Variants in MPPED1 observed in about 807,000 individuals in gnomAD.
MPPED1 encodes metallophosphoesterase domain containing 1.
Under a neutral mutation model 36.2 loss-of-function variants are expected in MPPED1, and 16 were observed. The observed-to-expected ratio is 0.44, with a 90% CI of 0.30 to 0.67. MPPED1 has a LOEUF of 0.67. MPPED1 is among the 30% of genes least tolerant of loss of function. MPPED1 has a pLI of 0.10. For missense variants in MPPED1, 307 were observed against 453.4 expected (o/e 0.68, Z 2.93); for synonymous variants, 199 against 191.3 (o/e 1.04, Z -0.33).
At chr22:43,497,086 AG>A (rs1932438786) in intron 4 of MPPED1, among the ~76,000 whole-genome samples, 1 of 87,018 alleles carries the variant, frequency 1.1e-5, no homozygotes, top group Admixed American at 1.0e-4. Context: ...TGGTGGAGGT[AG>A]TGGTGGCGGA....
intron 3 of MPPED1, among the ~76,000 whole-genome samples, chr22:43,459,453 G>T (rs1048527135): frequency 6.6e-6 from 1 of 151,960 alleles, no homozygotes; most frequent in Non-Finnish European, 1.5e-5. Context: ...CTCCTCTTAC[G>T]CACACATGAG....
chr22:43,503,468 T>C (rs1932766812), intron 6 of MPPED1, among the ~76,000 whole-genome samples: 1 of 152,132 alleles, frequency 6.6e-6, no homozygotes, highest in Non-Finnish European at 1.5e-5. Flanking sequence ...CCCAGAGACA[T>C]CTCCTGGCCT....
At position 43,433,754 on chromosome 22, in the gene MPPED1, T is replaced by C. The variant is rs1024241609; in HGVS notation, c.225-1280T>C. Among the ~76,000 whole-genome samples the C allele has an allele frequency of 1.5e-4, 10 of 66,798 alleles. No homozygotes were observed. In the East Asian group the frequency reaches 1.8e-3, roughly 12 times the overall value. 43.8% of individuals were successfully genotyped at this position (66,798 alleles called of 152,430 possible). A position where few individuals can be genotyped will look rare whatever the true frequency, so the allele number is the denominator to read the frequency against. ...GTTAATTAAATTTCTTCGAAGTATATTGTCTGAAAAAAAAAAAAGGATAAT... is the reference window on the plus strand; with the variant it reads ...GTTAATTAAATTTCTTCGAAGTATACTGTCTGAAAAAAAAAAAAGGATAAT... On this transcript the variant is annotated intron_variant, in intron 2 of 6. Coordinates refer to ENST00000443721, the MANE Select transcript of MPPED1 (RefSeq NM_001044370.2).
rs975007536 is a variant in MPPED1 at position 43,424,994 on chromosome 22, C to A, written c.9C>A (p.Arg3=). 3 of 1,597,110 alleles carry A rather than the reference C, an allele frequency of 1.9e-6. No homozygotes were observed. The highest frequency in any genetic ancestry group is 2.2e-5 in the South Asian group (2 of 88,908). MW[R]SRWDASVLKA... ...GCGGCCGGCGGAGGTCCATGTGGCG[C>A]TCTAGGTGGGATGCCAGCGTCCTGA... is the stretch of plus-strand genomic sequence containing the variant. The change falls in exon 2 of 7, where the codon CGC becomes CGA. Residue 3 remains arginine, a synonymous_variant. Coordinates refer to ENST00000443721, the MANE Select transcript of MPPED1 (RefSeq NM_001044370.2).
Position 43,505,803 on chromosome 22 carries a change from C to G in MPPED1, c.*187C>G, listed in dbSNP as rs937969574. 2 of 576,536 alleles carry G rather than the reference C, an allele frequency of 3.5e-6. No individual in the cohort carries two copies. Among genetic ancestry groups the G allele is most frequent in the Admixed American group, 3.1e-5 (1 of 31,942 alleles). The allele number at this position is 576,536 out of a possible 1,614,324, so 35.7% of individuals were successfully genotyped here. A position where few individuals can be genotyped will look rare whatever the true frequency, so the allele number is the denominator to read the frequency against. On this transcript the variant is annotated 3_prime_UTR_variant, in exon 7 of 7. Coordinates refer to ENST00000443721, the MANE Select transcript of MPPED1 (RefSeq NM_001044370.2). ...CCTGGAGTTGGGACCCTGCGCATCC[C>G]CATCAGGGGTTCTGTGCTCATTTAC...
chr22:43,462,147 CT>C (rs954480416), intron 3 of MPPED1, among the ~76,000 whole-genome samples: 1 of 152,176 alleles, frequency 6.6e-6, no homozygotes. Flanking sequence ...GCCCAGTTTG[CT>C]TTTGTTGTAG....
intron 2 of MPPED1, among the ~76,000 whole-genome samples, chr22:43,430,038 G>A (rs141427770): frequency 6.6e-6 from 1 of 152,172 alleles, no homozygotes; most frequent in Non-Finnish European, 1.5e-5. Flanking sequence ...TGCTGATCCA[G>A]CCAGTCATTG....
rs1468847923 is a variant in MPPED1, at chr22:43,475,502, GATCATC to G, written c.632+544_632+549del. 9.5e-3 allele frequency among the ~76,000 whole-genome samples: 1,355 copies of G among 142,082 alleles called. 3 individuals carry two copies. The highest frequency in any genetic ancestry group is 0.019 in the Middle Eastern group (5 of 266). 93.2% of individuals were successfully genotyped at this position (142,082 alleles called of 152,430 possible). ...TGGTGATGGTGATGATGGTGGTGAT[GATCATC>G]ATGATGATGGTTGTGGTGGTGGTGG... On this transcript the variant is annotated intron_variant, in intron 4 of 6. Transcript: ENST00000443721.
chr22:43,431,083 C>A (rs1246041791), intron 2 of MPPED1, among the ~76,000 whole-genome samples: 3 of 118,708 alleles, frequency 2.5e-5, no homozygotes, highest in Non-Finnish European at 3.2e-5. Context: ...ACTCTGTCGC[C>A]CAGGCTGGAG....
intron 4 of MPPED1, among the ~76,000 whole-genome samples, chr22:43,482,024 G>A (rs757615326): frequency 6.6e-6 from 1 of 152,192 alleles, no homozygotes; most frequent in Non-Finnish European, 1.5e-5. Context: ...GGACCCTCAG[G>A]TGCAGCCGGT....
intron 3 of MPPED1, among the ~76,000 whole-genome samples, chr22:43,452,202 G>C (rs1486614910): frequency 1.3e-5 from 2 of 152,008 alleles, no homozygotes; most frequent in African/African-American, 2.4e-5. Context: ...ATTTTTAGTA[G>C]AGATGGGGTT....
At chr22:43,504,205 C>T (rs777175739) in intron 6 of MPPED1, among the ~76,000 whole-genome samples, 7 of 151,496 alleles carry the variant, frequency 4.6e-5, no homozygotes, top group East Asian at 1.9e-4. Context: ...TAATGATAAA[C>T]GCAATGGTGG....
rs1187890132 is a variant in MPPED1 at position 43,463,822 on chromosome 22, TC to T, written c.407-10913del. Among the ~76,000 whole-genome samples, 999 of 108,560 alleles carry T rather than the reference TC, an allele frequency of 9.2e-3. 49 individuals carry two copies. Among genetic ancestry groups the T allele is most frequent in the East Asian group, 0.02 (86 of 4,384 alleles). The allele number at this position is 108,560 out of a possible 152,430, so 71.2% of individuals were successfully genotyped here. A position where few individuals can be genotyped will look rare whatever the true frequency, so the allele number is the denominator to read the frequency against. The stretch of plus-strand genomic sequence containing the variant: ...TCATTTTTTCTTTTCTTTCTTTCTT[TC>T]TTTCTTTCTTTCTTTCTTTCTTTCT... On this transcript the variant is annotated intron_variant, in intron 3 of 6. Transcript: ENST00000443721.
At chr22:43,447,903 A>C (rs1930419122) in intron 3 of MPPED1, among the ~76,000 whole-genome samples, 3 of 76,346 alleles carry the variant, frequency 3.9e-5, no homozygotes, top group African/African-American at 1.2e-4. Flanking sequence ...TTTTTAGACA[A>C]AGTCTCGCCC....
At chr22:43,444,456 TCCC>T (rs1168747986) in intron 3 of MPPED1, among the ~76,000 whole-genome samples, 1 of 135,614 alleles carries the variant, frequency 7.4e-6, no homozygotes, top group Non-Finnish European at 1.5e-5. Context: ...AACCTCCCCC[TCCC>T]GGGTTCAAAT....
Position 43,479,445 on chromosome 22 carries a change from G to C in MPPED1, c.632+4484G>C, listed in dbSNP as rs961293104. Among the ~76,000 whole-genome samples the C allele has an allele frequency of 2.0e-5, 3 of 152,220 alleles. No individual in the cohort carries two copies. In the East Asian group the frequency reaches 5.8e-4, roughly 29 times the overall value. ...CACCATGTGGCCTTAGGAGGTAGAC[G>C]GCAGAGCAGAGGACAGAGGGAAGTG... On this transcript the variant is annotated intron_variant, in intron 4 of 6. Coordinates refer to ENST00000443721, the MANE Select transcript of MPPED1 (RefSeq NM_001044370.2).
Position 43,474,851 on chromosome 22 carries a change from G to A in MPPED1, c.522G>A (p.Ser174=), listed in dbSNP as rs370771750. ...ACTTTTACTACTTCCCATCTGTGTCGAAGCTGAAGCCGGAGAACTATGAGA... is the reference window on the plus strand; with the variant it reads ...ACTTTTACTACTTCCCATCTGTGTCAAAGCTGAAGCCGGAGAACTATGAGA... ...KQDFYYFPSV[S]KLKPENYENV... Residue 174 remains serine, a synonymous_variant, in exon 4 of 7, where the codon TCG becomes TCA. Transcript: ENST00000443721. This position sits in a 1 kb window ranked among gnomAD's most constrained non-coding sequence, Gnocchi z 5.2. 1.5e-5 allele frequency: 25 copies of A among 1,613,912 alleles called. No homozygotes were observed. The highest frequency in any genetic ancestry group is 4.5e-5 in the East Asian group (2 of 44,892).
chr22:43,447,207 T>TG (rs1387784095), intron 3 of MPPED1, among the ~76,000 whole-genome samples: 1 of 152,156 alleles, frequency 6.6e-6, no homozygotes, highest in African/African-American at 2.4e-5. Context: ...GTGGACCCTT[T>TG]GGGGAGAAAT....
Position 43,505,735 on chromosome 22 carries a change from C to A in MPPED1, c.*119C>A. ...CATCTGGCTGCGGGGACTGGCCTAG[C>A]AGGCAGGTCAGGGCCTTGGAACGAC... On this transcript the variant is annotated 3_prime_UTR_variant, in exon 7 of 7. Coordinates refer to ENST00000443721, the MANE Select transcript of MPPED1 (RefSeq NM_001044370.2). 2 of 831,794 alleles carry A rather than the reference C, an allele frequency of 2.4e-6. No individual in the cohort carries two copies. Among genetic ancestry groups the A allele is most frequent in the South Asian group, 1.7e-5 (1 of 59,742 alleles). 51.5% of individuals were successfully genotyped at this position (831,794 alleles called of 1,614,324 possible).
Sources: gnomAD v4.1 joint callset for allele counts (sites outside exome capture counted in the v4.1 genomes callset) on GRCh38, gnomAD v4.1.1 for gene constraint, Gnocchi (gnomAD v3.1) non-coding constraint, MANE v1.5 for transcripts, NCBI Gene and HGNC (gene_info 2026-07-23, HGNC 2026-07-21) for gene names.